The following DOCK4 variants were observed in gnomAD, a reference collection of about 807,000 sequenced individuals.
The protein encoded by DOCK4 is dedicator of cytokinesis 4, also known as dedicator of cytokinesis protein 4.
A neutral mutation model predicts 268.1 loss-of-function variants in DOCK4; 97 were observed. That is an observed-to-expected ratio of 0.36 (90% confidence interval 0.31 to 0.43). The LOEUF (loss-of-function observed/expected upper bound fraction) is 0.43. Ranked by LOEUF, DOCK4 falls within the 20% of genes least tolerant of loss-of-function variation. The pLI, the probability that DOCK4 is intolerant of heterozygous loss-of-function variation, is 1.00. For missense variants in DOCK4, 2,145 were observed against 2,455.7 expected (o/e 0.87, Z 2.67); for synonymous variants, 954 against 887.2 (o/e 1.08, Z -1.34).
intron 13 of DOCK4, among the ~76,000 whole-genome samples, chr7:111,908,638 C>G (rs1203004583): frequency 6.6e-6 from 1 of 151,874 alleles, no homozygotes; most frequent in Non-Finnish European, 1.5e-5. Context: ...CCTATCAACC[C>G]GTCATCTAGG....
At position 111,776,327 on chromosome 7, in the gene DOCK4, T is replaced by A. The variant is rs543236163; in HGVS notation, c.3679+1949A>T. ...TGAATAAATAAAAAGATAGACATTC[T>A]TTGCAAAGAAATTGAAGCTGTAAAA... is the stretch of plus-strand genomic sequence containing the variant. On this transcript the variant is annotated intron_variant, in intron 36 of 52. Coordinates refer to ENST00000428084, the MANE Select transcript of DOCK4 (RefSeq NM_001363540.2). Among the ~76,000 whole-genome samples, 7 of 152,296 alleles carry A rather than the reference T, an allele frequency of 4.6e-5. 1 individual carries two copies. In the South Asian group the frequency reaches 1.5e-3, roughly 32 times the overall value.
chr7:111,931,134 C>T (rs2396454), intron 12 of DOCK4, among the ~76,000 whole-genome samples: 7 of 152,002 alleles, frequency 4.6e-5, no homozygotes, highest in South Asian at 4.2e-4. Context: ...ACAAGGACAG[C>T]GGAGCAGACA....
chr7:111,832,268 T>G (rs930917959), intron 26 of DOCK4, among the ~76,000 whole-genome samples: 3 of 152,176 alleles, frequency 2.0e-5, no homozygotes, highest in Non-Finnish European at 2.9e-5. Flanking sequence ...TGGGAAGTTT[T>G]CCTGTTGCCT....
At chr7:111,913,889 G>T (rs79243240) in intron 13 of DOCK4, among the ~76,000 whole-genome samples, 1 of 151,902 alleles carries the variant, frequency 6.6e-6, no homozygotes, top group African/African-American at 2.4e-5. Flanking sequence ...CTCTAAAAAA[G>T]AAAACACAAA....
chr7:111,835,407 C>T (rs1322076239), intron 25 of DOCK4, among the ~76,000 whole-genome samples: 4 of 152,088 alleles, frequency 2.6e-5, no homozygotes, highest in Non-Finnish European at 5.9e-5. Context: ...TGTGCTTGGG[C>T]TCTATGTGAT....
At chr7:112,204,888 C>CAT (rs1231544783) in intron 1 of DOCK4, among the ~76,000 whole-genome samples, 10 of 150,570 alleles carry the variant, frequency 6.6e-5, no homozygotes, top group Admixed American at 2.0e-4. Context: ...TTAAAACACA[C>CAT]ACACACACAC....
At chr7:111,935,493 G>T (rs1296213527) in intron 12 of DOCK4, 47 bp downstream of exon 12, 11 of 1,539,884 alleles carry the variant, frequency 7.1e-6, no homozygotes, top group Non-Finnish European at 9.9e-6. Context: ...AAAAAAAAGG[G>T]CTTGGAACGA....
intron 1 of DOCK4, among the ~76,000 whole-genome samples, chr7:112,056,616 G>A (rs1383248993): frequency 6.6e-6 from 1 of 152,080 alleles, no homozygotes; most frequent in Non-Finnish European, 1.5e-5. Context: ...GAGTGCACCT[G>A]GGCCCAGCTA....
chr7:112,102,608 T>G (rs1810798721), intron 1 of DOCK4, among the ~76,000 whole-genome samples: 1 of 152,200 alleles, frequency 6.6e-6, no homozygotes, highest in Admixed American at 6.5e-5. Flanking sequence ...GAGAGCTCCC[T>G]TGCCCTTTCC....
At chr7:111,751,593 A>G (rs2133517077) in intron 42 of DOCK4, among the ~76,000 whole-genome samples, 1 of 152,174 alleles carries the variant, frequency 6.6e-6, no homozygotes, top group South Asian at 2.1e-4. Context: ...TACAGGCGTG[A>G]TCCACCATGC....
chr7:111,883,379 G>A (rs940707214), intron 16 of DOCK4, among the ~76,000 whole-genome samples: 1 of 152,084 alleles, frequency 6.6e-6, no homozygotes. Flanking sequence ...ACTTCCTAGT[G>A]TGACTAAGTC....
At chr7:112,128,838 C>A (rs959689242) in intron 1 of DOCK4, among the ~76,000 whole-genome samples, 2 of 152,070 alleles carry the variant, frequency 1.3e-5, no homozygotes, top group African/African-American at 4.8e-5. Context: ...TGTTTATCTG[C>A]TGACCTTCCC....
intron 37 of DOCK4, 33 bp downstream of exon 37, chr7:111,769,496 A>T: frequency 6.2e-7 from 1 of 1,612,270 alleles, no homozygotes; most frequent in Non-Finnish European, 8.5e-7. Flanking sequence ...CCATCACCCC[A>T]GGAGGGACCC....
intron 41 of DOCK4, 60 bp from the exon 42 acceptor site, chr7:111,755,661 G>A (rs1796972805): frequency 6.7e-7 from 1 of 1,488,466 alleles, no homozygotes; most frequent in Admixed American, 1.7e-5. Flanking sequence ...CTACTTCCAT[G>A]ACTAGTGTTT....
At chr7:111,926,368 T>A (rs10249127) in intron 12 of DOCK4, among the ~76,000 whole-genome samples, 10,143 of 127,754 alleles carry the variant, frequency 0.079, 1,225 homozygotes, top group East Asian at 0.35. Context: ...GAGGCGGAGG[T>A]TGCAGTGAGC....
intron 23 of DOCK4, chr7:111,863,105 C>G (rs1237411309): frequency 2.4e-6 from 1 of 408,210 alleles, no homozygotes; most frequent in African/African-American, 2.1e-5. Context: ...CTATCAGGTA[C>G]CTGTAAGCAT....
intron 27 of DOCK4, among the ~76,000 whole-genome samples, chr7:111,819,116 A>C (rs1801785401): frequency 6.6e-6 from 1 of 152,194 alleles, no homozygotes; most frequent in Non-Finnish European, 1.5e-5. Flanking sequence ...TTAGTGCATG[A>C]TATGTTTGAG....
At chr7:112,127,131 T>C (rs1009578724) in intron 1 of DOCK4, among the ~76,000 whole-genome samples, 2 of 150,330 alleles carry the variant, frequency 1.3e-5, no homozygotes, top group East Asian at 3.9e-4. Context: ...TGCGGCATTA[T>C]TCACAATAGC....
At chr7:111,905,674 T>C (rs1482398174) in intron 13 of DOCK4, among the ~76,000 whole-genome samples, 1 of 140,526 alleles carries the variant, frequency 7.1e-6, no homozygotes, top group Non-Finnish European at 1.5e-5. Flanking sequence ...TTTTTATATA[T>C]ATGCATGTAT....
Sources: gnomAD v4.1 joint callset for allele counts (sites outside exome capture counted in the v4.1 genomes callset) on GRCh38, gnomAD v4.1.1 for gene constraint, MANE v1.5 for transcripts, NCBI Gene and HGNC (gene_info 2026-07-23, HGNC 2026-07-21) for gene names.